Variants in CCSER2 observed in about 807,000 individuals in gnomAD.
CCSER2 encodes the protein serine-rich coiled-coil domain-containing protein 2.
A neutral mutation model predicts 92.3 loss-of-function variants in CCSER2; 46 were observed. The observed-to-expected ratio is 0.50, with a 90% confidence interval of 0.39 to 0.64. The LOEUF (loss-of-function observed/expected upper bound fraction) is 0.64, where lower values mean the gene tolerates loss of function less well. Among genes scored for constraint, CCSER2 ranks in the 30% least tolerant of loss-of-function variants. The pLI, the probability that CCSER2 is intolerant of heterozygous loss-of-function variation, is 0.00. For missense variants in CCSER2, 1,244 were observed against 1,238.9 expected, an observed-to-expected ratio of 1.00 and a Z score of -0.06; for synonymous variants, 433 against 431.4, an observed-to-expected ratio of 1.00 and a Z score of -0.04.
chr10:84,330,629 C>T (rs1401464927), intron 1 of CCSER2, among the ~76,000 whole-genome samples: 1 of 152,102 alleles, frequency 6.6e-6, no homozygotes, highest in Non-Finnish European at 1.5e-5. Flanking sequence ...TCTCTTGCCT[C>T]AGCCTCCTGA....
In CCSER2 at chr10:84,371,758, T is replaced by A. The variant is rs1846072316; in HGVS notation, c.706T>A (p.Ser236Thr). The change falls in exon 2 of 10, where the codon TCA (serine) becomes ACA (threonine). Residue 236 changes from serine to threonine, a missense_variant. Transcript: ENST00000372088. Reference sequence around the variant, plus strand: ...CATTCAGAATTCATTCCTTCCACCTTCATCTATAACCAGATCACATTCCTT... The same window carrying A: ...CATTCAGAATTCATTCCTTCCACCTACATCTATAACCAGATCACATTCCTT... ...HSIQNSFLPP[S>T]SITRSHSFNR... 1 of 1,613,442 alleles carries A rather than the reference T, an allele frequency of 6.2e-7. No individual in the cohort carries two copies. Among genetic ancestry groups the A allele is most frequent in the Non-Finnish European group, 8.5e-7 (1 of 1,179,694 alleles).
intron 3 of CCSER2, among the ~76,000 whole-genome samples, chr10:84,407,768 C>T (rs1227908753): frequency 1.3e-5 from 2 of 152,180 alleles, no homozygotes; most frequent in African/African-American, 4.8e-5. Context: ...TAGTGCTTTG[C>T]ATATATTAGT....
At chr10:84,402,958 T>G (rs1842196403) in intron 3 of CCSER2, among the ~76,000 whole-genome samples, 1 of 152,222 alleles carries the variant, frequency 6.6e-6, no homozygotes, top group East Asian at 1.9e-4. Context: ...ATAGACAGGC[T>G]TGTTCTAAAA....
At chr10:84,375,853 GTTTCT>G (rs1393180922) in intron 3 of CCSER2, among the ~76,000 whole-genome samples, 3 of 140,676 alleles carry the variant, frequency 2.1e-5, no homozygotes, top group Non-Finnish European at 4.7e-5. Context: ...TTTTTTTTCT[GTTTCT>G]TTTTCTTTTT....
intron 3 of CCSER2, among the ~76,000 whole-genome samples, chr10:84,378,221 A>G (rs181966345): frequency 1.3e-5 from 2 of 152,124 alleles, no homozygotes; most frequent in African/African-American, 4.8e-5. Flanking sequence ...GTGAATGAAT[A>G]TTAAGTTTTA....
At chr10:84,477,526 G>A (rs1291888387) in intron 8 of CCSER2, 49 bp from the exon 9 acceptor site, 1 of 934,298 alleles carries the variant, frequency 1.1e-6, no homozygotes, top group Non-Finnish European at 1.7e-6. Context: ...GTGTCTTGGT[G>A]TGTATATGCA....
intron 6 of CCSER2, among the ~76,000 whole-genome samples, chr10:84,440,927 T>C (rs773256479): frequency 3.3e-5 from 5 of 152,216 alleles, no homozygotes; most frequent in Non-Finnish European, 5.9e-5. Flanking sequence ...TTGTACATTG[T>C]GTTTTGCCTG....
At chr10:84,473,891 C>G (rs1292210080) in intron 8 of CCSER2, among the ~76,000 whole-genome samples, 1 of 152,022 alleles carries the variant, frequency 6.6e-6, no homozygotes, top group Non-Finnish European at 1.5e-5. Context: ...CAGTTATAGC[C>G]TTCTATGCTT....
At chr10:84,510,642 G>A (rs1208587315) in intron 9 of CCSER2, among the ~76,000 whole-genome samples, 1 of 152,238 alleles carries the variant, frequency 6.6e-6, no homozygotes, top group Non-Finnish European at 1.5e-5. Context: ...AGCAGTGGAT[G>A]TGAGCAAGAT....
chr10:84,451,459 G>T (rs10887296), intron 6 of CCSER2, among the ~76,000 whole-genome samples: 55,921 of 151,716 alleles, frequency 0.37, 10,570 homozygotes, highest in Admixed American at 0.51. Context: ...TATAGAAAGA[G>T]TTTATGCAAA....
chr10:84,360,677 A>G lies in CCSER2; in HGVS notation c.-39-10337A>G, dbSNP rs554335737. On this transcript the variant is annotated intron_variant, in intron 1 of 9. Coordinates refer to ENST00000372088, the MANE Select transcript of CCSER2 (RefSeq NM_001284240.2). ...TTAGTCTCTGTCCCAGGGATTTCCA[A>G]CGTATGAATTCCAGATCGGCAGAAT... Among the ~76,000 whole-genome samples the G allele has an allele frequency of 5.3e-5, 8 of 152,288 alleles. No individual in the cohort carries two copies. The East Asian group carries it at 7.7e-4, about 15-fold the overall frequency.
intron 4 of CCSER2, among the ~76,000 whole-genome samples, chr10:84,420,384 T>C (rs1291841346): frequency 6.6e-6 from 1 of 152,214 alleles, no homozygotes; most frequent in East Asian, 1.9e-4. Flanking sequence ...AACATGGATC[T>C]AAAATATGTA....
chr10:84,377,048 G>C (rs1346491641), intron 3 of CCSER2, among the ~76,000 whole-genome samples: 3 of 151,838 alleles, frequency 2.0e-5, no homozygotes, highest in Admixed American at 1.3e-4. Context: ...CATATTTTTT[G>C]ACATAAATAT....
intron 3 of CCSER2, chr10:84,392,194 G>A (rs1841558751): frequency 1.9e-6 from 1 of 527,946 alleles, no homozygotes; most frequent in Non-Finnish European, 3.4e-6. Flanking sequence ...CCTACTGGAA[G>A]GGGCAGGAGG....
At chr10:84,462,366 T>C (rs1186610698) in intron 6 of CCSER2, among the ~76,000 whole-genome samples, 1 of 152,228 alleles carries the variant, frequency 6.6e-6, no homozygotes, top group Non-Finnish European at 1.5e-5. Context: ...TTGTCTCATA[T>C]TCCTTGGGGT....
chr10:84,367,707 CTTTT>C (rs71013317), intron 1 of CCSER2, among the ~76,000 whole-genome samples: 1 of 141,438 alleles, frequency 7.1e-6, no homozygotes, highest in African/African-American at 2.6e-5. Context: ...CTTTTCCTTG[CTTTT>C]TTTTTTTTTT....
chr10:84,344,828 C>T (rs1489783557), intron 1 of CCSER2, among the ~76,000 whole-genome samples: 1 of 152,128 alleles, frequency 6.6e-6, no homozygotes, highest in African/African-American at 2.4e-5. Flanking sequence ...AGCCGCAATT[C>T]GAAGGCTTGG....
At chr10:84,462,780 A>G (rs1846178523) in intron 6 of CCSER2, among the ~76,000 whole-genome samples, 1 of 152,194 alleles carries the variant, frequency 6.6e-6, no homozygotes, top group East Asian at 1.9e-4. Context: ...CCATCCCTAG[A>G]GATTCTGTGT....
chr10:84,390,088 A>G (rs544981405), intron 3 of CCSER2, among the ~76,000 whole-genome samples: 2 of 152,270 alleles, frequency 1.3e-5, no homozygotes, highest in African/African-American at 4.8e-5. Context: ...ATATACATAT[A>G]TACTTCCACA....
Sources: gnomAD v4.1 joint callset for allele counts (sites outside exome capture counted in the v4.1 genomes callset) on GRCh38, gnomAD v4.1.1 for gene constraint, MANE v1.5 for transcripts, NCBI Gene and HGNC (gene_info 2026-07-23, HGNC 2026-07-21) for gene names.